The following WDR31 variants were observed in gnomAD, a reference collection of about 807,000 sequenced individuals.
WDR31 encodes WD repeat domain 31, also known as WD repeat-containing protein 31.
In WDR31, 30 loss-of-function variants were observed where a neutral mutation model predicts 47.3. The observed-to-expected ratio is 0.63, with a 90% confidence interval of 0.47 to 0.86. The LOEUF is 0.86. WDR31 is among the 40% of genes least tolerant of loss of function. The pLI is 0.00. For synonymous variants in WDR31, 137 were observed against 159.4 expected (o/e 0.86, Z 1.06); for missense variants, 406 against 442.9 (o/e 0.92, Z 0.75).
chr9:113,329,486 C>T (rs1432110800), intron 4 of WDR31, among the ~76,000 whole-genome samples: 2 of 139,066 alleles, frequency 1.4e-5, no homozygotes, highest in Admixed American at 7.2e-5. Flanking sequence ...ACTAAAAATA[C>T]AAAATAAGCC....
At chr9:113,327,769 T>C (rs985455510) in intron 5 of WDR31, among the ~76,000 whole-genome samples, 4 of 152,078 alleles carry the variant, frequency 2.6e-5, no homozygotes, top group East Asian at 1.9e-4. Flanking sequence ...CTGGCCAACA[T>C]AGCAAAACCC....
At chr9:113,318,697 C>G in intron 9 of WDR31, 60 bp from the exon 10 acceptor site, 5 of 1,569,926 alleles carry the variant, frequency 3.2e-6, no homozygotes, top group Non-Finnish European at 4.4e-6. Context: ...CCATGAATAT[C>G]TATCTCCCCC....
chr9:113,325,115 C>CT (rs112946694), intron 5 of WDR31, among the ~76,000 whole-genome samples: 32 of 144,818 alleles, frequency 2.2e-4, no homozygotes, highest in South Asian at 6.6e-4. Context: ...CTGGCTAATT[C>CT]TTTTTTTTTT....
intron 1 of WDR31, among the ~76,000 whole-genome samples, chr9:113,339,216 T>C (rs1243501413): frequency 6.6e-6 from 1 of 152,168 alleles, no homozygotes; most frequent in Non-Finnish European, 1.5e-5. Context: ...AGAATTCTCT[T>C]TTAACTCTCC....
rs1432086084 is a variant in WDR31 at position 113,316,252 on chromosome 9, C to G, written c.*497G>C. On this transcript the variant is annotated 3_prime_UTR_variant, in exon 11 of 11. Coordinates refer to ENST00000374193, the MANE Select transcript of WDR31 (RefSeq NM_001012361.4). ...TGAGGAGCAGTGATTGAAGCTTAAT[C>G]TCATTGTCTACAGTCCGTCTCCTCT... 1 of 152,686 alleles carries G rather than the reference C, an allele frequency of 6.5e-6. No individual in the cohort carries two copies. Among genetic ancestry groups the G allele is most frequent in the Non-Finnish European group, 1.5e-5 (1 of 68,354 alleles). 9.5% of individuals were successfully genotyped at this position (152,686 alleles called of 1,614,324 possible). A position where few individuals can be genotyped will look rare whatever the true frequency, so the allele number is the denominator to read the frequency against.
rs755881674 is a variant in WDR31, at chr9:113,318,646, TA to T, written c.781-10del. 1 of 1,613,958 alleles carries T rather than the reference TA, an allele frequency of 6.2e-7. No individual in the cohort carries two copies. The highest frequency in any genetic ancestry group is 1.7e-5 in the Admixed American group (1 of 60,012). ...TGTCTTAGGTCCCACAACTGCAAAG[TA>T]ATGACATGGACCAGCTCATAGTCAC... is the stretch of plus-strand genomic sequence containing the variant. On this transcript the variant is annotated splice_polypyrimidine_tract_variant and intron_variant, in intron 9 of 10. Coordinates refer to ENST00000374193, the MANE Select transcript of WDR31 (RefSeq NM_001012361.4).
chr9:113,326,985 AC>A lies in WDR31; in HGVS notation c.324+1895del, dbSNP rs141006770. Reference sequence around the variant, plus strand: ...TGAGTAGCTGGGACTATAGGTGCGCACAACTACATCCAACTAATTTTTTAAT... The same window carrying A: ...TGAGTAGCTGGGACTATAGGTGCGCAAACTACATCCAACTAATTTTTTAAT... On this transcript the variant is annotated intron_variant, in intron 5 of 10. Coordinates refer to ENST00000374193, the MANE Select transcript of WDR31 (RefSeq NM_001012361.4). Among the ~76,000 whole-genome samples, 1,039 of 151,680 alleles carry A rather than the reference AC, an allele frequency of 6.8e-3. 18 individuals are homozygous for A. The highest frequency in any genetic ancestry group is 0.024 in the African/African-American group (976 of 41,378).
intron 10 of WDR31, among the ~76,000 whole-genome samples, chr9:113,317,871 T>C (rs1053432952): frequency 1.3e-5 from 2 of 152,220 alleles, no homozygotes; most frequent in Non-Finnish European, 2.9e-5. Flanking sequence ...ATCATGTAAA[T>C]ACCTCCATCA....
intron 1 of WDR31, among the ~76,000 whole-genome samples, chr9:113,336,691 G>T (rs191394501): frequency 9.9e-5 from 15 of 152,224 alleles, no homozygotes; most frequent in Admixed American, 3.3e-4. Context: ...CAAAAATCTT[G>T]AGTTGACTGC....
Position 113,328,890 on chromosome 9 carries a change from C to CTCA in WDR31, c.312_314dup (p.His104_Glu105insAsp). The CTCA allele has an allele frequency of 6.2e-7, 1 of 1,613,674 alleles. No homozygotes were observed. Among genetic ancestry groups the CTCA allele is most frequent in the Non-Finnish European group, 8.5e-7 (1 of 1,179,532 alleles). On this transcript the variant is annotated inframe_insertion, in exon 5 of 11. Coordinates refer to ENST00000374193, the MANE Select transcript of WDR31 (RefSeq NM_001012361.4). ...ATCATTTGAAAATTACCTTGGTGAT[C>CTCA]TCATGTTCATGTCCTTTGAACCTTT...
chr9:113,319,685 G>A (rs1588039411), intron 9 of WDR31, among the ~76,000 whole-genome samples: 1 of 152,136 alleles, frequency 6.6e-6, no homozygotes, highest in Non-Finnish European at 1.5e-5. Context: ...TGTAAGGAAG[G>A]TACATGAGTA....
chr9:113,325,253 C>A (rs1180508240), intron 5 of WDR31, among the ~76,000 whole-genome samples: 3 of 152,166 alleles, frequency 2.0e-5, no homozygotes, highest in South Asian at 2.1e-4. Flanking sequence ...TCGTGCCCAG[C>A]CTAGATATGT....
At chr9:113,321,418 C>T in intron 8 of WDR31, 93 bp downstream of exon 8, 3 of 1,284,342 alleles carry the variant, frequency 2.3e-6, no homozygotes, top group East Asian at 2.3e-5. Context: ...AAGGGCAGAG[C>T]AATGTGGAGA....
At chr9:113,326,321 A>C (rs944646626) in intron 5 of WDR31, among the ~76,000 whole-genome samples, 1 of 152,144 alleles carries the variant, frequency 6.6e-6, no homozygotes, top group Non-Finnish European at 1.5e-5. Flanking sequence ...ACACATGAAC[A>C]ACACTCTCCG....
rs2118755192 is a variant in WDR31, at chr9:113,315,545, T to C, written c.*1204A>G. 6.6e-6 allele frequency: 1 copy of C among 152,386 alleles called. No homozygotes were observed. Among genetic ancestry groups the C allele is most frequent in the East Asian group, 1.9e-4 (1 of 5,186 alleles). The allele number at this position is 152,386 out of a possible 1,614,324, so 9.4% of individuals were successfully genotyped here. ...GAAAATGGACCAGTGAGCATGAGGC[T>C]GAGGTCTGACTCCTGGGGGCCACAC... On this transcript the variant is annotated 3_prime_UTR_variant, in exon 11 of 11. Transcript: ENST00000374193.
chr9:113,334,703 C>CTTTTTTTTTTTT (rs71367719), intron 2 of WDR31, among the ~76,000 whole-genome samples: 532 of 63,052 alleles, frequency 8.4e-3, no homozygotes, highest in African/African-American at 9.9e-3. Flanking sequence ...CTACATCAGG[C>CTTTTTTTTTTTT]TTTTTTTTTT....
At chr9:113,327,443 G>A (rs1044189632) in intron 5 of WDR31, among the ~76,000 whole-genome samples, 9 of 135,328 alleles carry the variant, frequency 6.7e-5, no homozygotes, top group East Asian at 2.3e-4. Context: ...ACACACACAC[G>A]TGCACACACA....
intron 9 of WDR31, 125 bp from the exon 10 acceptor site, chr9:113,318,762 A>T: frequency 1.1e-6 from 1 of 929,162 alleles, no homozygotes; most frequent in East Asian, 2.6e-5. Flanking sequence ...GCTACCCCTT[A>T]TCTTCATCCA....
intron 2 of WDR31, among the ~76,000 whole-genome samples, chr9:113,333,452 G>T (rs1833645161): frequency 1.4e-5 from 2 of 147,750 alleles, no homozygotes; most frequent in Admixed American, 1.4e-4. Flanking sequence ...CGCAATCTCG[G>T]CTCACTGCAA....
Sources: allele counts gnomAD v4.1 joint callset (sites outside exome capture counted in the v4.1 genomes callset), GRCh38; gene constraint gnomAD v4.1.1; transcripts MANE v1.5; gene names NCBI Gene and HGNC (gene_info 2026-07-23, HGNC 2026-07-21).